Variants in KLRG2 observed in about 807,000 individuals in gnomAD.
KLRG2 encodes killer cell lectin like receptor G2.
In KLRG2, 39 loss-of-function variants were observed where a neutral mutation model predicts 35.4. The observed-to-expected ratio is 1.10, with a 90% CI of 0.85 to 1.44. KLRG2 has a LOEUF of 1.44. Among genes scored for constraint, KLRG2 ranks in the 40% most tolerant of loss-of-function variants. KLRG2 has a pLI of 0.00. For synonymous variants in KLRG2, 283 were observed against 265.8 expected, an observed-to-expected ratio of 1.06 and a Z score of -0.63; for missense variants, 632 against 570.9, an observed-to-expected ratio of 1.11 and a Z score of -1.09.
downstream of KLRG2, among the ~76,000 whole-genome samples, chr7:139,448,544 A>T (rs1796334685): frequency 6.6e-6 from 1 of 152,194 alleles, no homozygotes; most frequent in Admixed American, 6.5e-5. Context: ...GTAAAAGATA[A>T]ATAGGCTGGG....
At chr7:139,435,732 G>A in the KLRG2 span, among the ~76,000 whole-genome samples, 1 of 152,114 alleles carries the variant, frequency 6.6e-6, no homozygotes, top group Non-Finnish European at 1.5e-5. Context: ...CCCTTAACAC[G>A]ATGCTGCTGA....
intron 3 of KLRG2, among the ~76,000 whole-genome samples, chr7:139,455,321 A>AT (rs557794592): frequency 0.013 from 1,566 of 122,612 alleles, 18 homozygotes; most frequent in African/African-American, 0.022. Flanking sequence ...CCCGGCCAAG[A>AT]TTTTTTTTTT....
chr7:139,429,075 G>T, the KLRG2 span, among the ~76,000 whole-genome samples: 105 of 152,278 alleles, frequency 6.9e-4, no homozygotes, highest in East Asian at 0.019. Context: ...CCAGGCTGAG[G>T]TGAGTGGATC....
the KLRG2 span, among the ~76,000 whole-genome samples, chr7:139,431,335 G>A: frequency 1.3e-5 from 2 of 152,142 alleles, no homozygotes; most frequent in Admixed American, 6.5e-5. Context: ...TAGTTACATG[G>A]GTGCCTACAT....
chr7:139,446,854 A>G, the KLRG2 span, among the ~76,000 whole-genome samples: 2 of 152,086 alleles, frequency 1.3e-5, no homozygotes, highest in African/African-American at 4.8e-5. Flanking sequence ...ACTTGTGATT[A>G]CCTTGGGTAC....
At chr7:139,429,445 C>T in the KLRG2 span, among the ~76,000 whole-genome samples, 9 of 150,520 alleles carry the variant, frequency 6.0e-5, no homozygotes, top group African/African-American at 2.2e-4. Flanking sequence ...GGCAGAGTCA[C>T]AGGACAATAG....
chr7:139,429,568 G>A, the KLRG2 span, among the ~76,000 whole-genome samples: 4 of 151,312 alleles, frequency 2.6e-5, no homozygotes, highest in African/African-American at 9.8e-5. Context: ...AGGGAGTGGT[G>A]ATGACTCTTA....
chr7:139,479,498 G>T, intron 3 of KLRG2, 129 bp downstream of exon 3: 1 of 928,036 alleles, frequency 1.1e-6, no homozygotes, highest in Non-Finnish European at 1.6e-6. Context: ...TTATGGTCAT[G>T]CTACTCCTCT....
downstream of KLRG2, among the ~76,000 whole-genome samples, chr7:139,448,258 A>T (rs1796332246): frequency 6.6e-6 from 1 of 151,962 alleles, no homozygotes; most frequent in South Asian, 2.1e-4. Flanking sequence ...TGCCTCCTAA[A>T]GTCCTGTGAT....
chr7:139,462,325 C>T (rs1254884231), intron 3 of KLRG2, among the ~76,000 whole-genome samples: 1 of 152,054 alleles, frequency 6.6e-6, no homozygotes, highest in Non-Finnish European at 1.5e-5. Flanking sequence ...GGCAAGCACC[C>T]CTCACCCCTT....
chr7:139,436,801 C>T, the KLRG2 span, among the ~76,000 whole-genome samples: 1 of 152,206 alleles, frequency 6.6e-6, no homozygotes, highest in Non-Finnish European at 1.5e-5. Context: ...AAATTCCATG[C>T]GCTCTATATG....
At chr7:139,452,504 C>T (rs1371563652), downstream of KLRG2, among the ~76,000 whole-genome samples, 1 of 151,348 alleles carries the variant, frequency 6.6e-6, no homozygotes, top group African/African-American at 2.4e-5. Context: ...ACTCTCCATC[C>T]CATTCTCCCA....
chr7:139,450,157 C>T (rs1215488706), downstream of KLRG2, among the ~76,000 whole-genome samples: 2 of 152,014 alleles, frequency 1.3e-5, no homozygotes, highest in African/African-American at 4.8e-5. Flanking sequence ...ATTCTCCTGC[C>T]TCAGCCTCCC....
At chr7:139,443,094 CTTT>C in the KLRG2 span, among the ~76,000 whole-genome samples, 8 of 120,568 alleles carry the variant, frequency 6.6e-5, no homozygotes, top group Admixed American at 2.6e-4. Flanking sequence ...GGAAAAAAAA[CTTT>C]TTTTTTTTTT....
chr7:139,455,209 G>C (rs1362806035), intron 3 of KLRG2, among the ~76,000 whole-genome samples: 1 of 151,948 alleles, frequency 6.6e-6, no homozygotes, highest in Non-Finnish European at 1.5e-5. Flanking sequence ...AGTAGGGAAG[G>C]GTTTTGCCGT....
chr7:139,464,765 T>C (rs1040324087), intron 3 of KLRG2, among the ~76,000 whole-genome samples: 2 of 152,258 alleles, frequency 1.3e-5, no homozygotes, highest in South Asian at 2.1e-4. Flanking sequence ...AGCCTTCATG[T>C]CTGTGTGTGG....
At chr7:139,465,674 AGT>A (rs1796640404) in intron 3 of KLRG2, among the ~76,000 whole-genome samples, 2 of 140,284 alleles carry the variant, frequency 1.4e-5, no homozygotes, top group South Asian at 4.6e-4. Flanking sequence ...CCTGGGCGAG[AGT>A]GTGAGACTCT....
At chr7:139,446,561 G>C in the KLRG2 span, among the ~76,000 whole-genome samples, 1 of 150,618 alleles carries the variant, frequency 6.6e-6, no homozygotes, top group Non-Finnish European at 1.5e-5. Context: ...GGCTGGTCTC[G>C]AATTCCTGAC....
In KLRG2 at chr7:139,468,176, C is replaced by T. The variant is rs541766674; in HGVS notation, c.1005+11451G>A. Among the ~76,000 whole-genome samples, 85 of 152,234 alleles carry T rather than the reference C, an allele frequency of 5.6e-4. 1 individual carries two copies. The highest frequency in any genetic ancestry group is 7.5e-4 in the Non-Finnish European group (51 of 68,006). ...TATGACCCTGCCACATCCCCCTCTC[C>T]GAGAAACACCCAAGAATGATCAATA... On this transcript the variant is annotated intron_variant, in intron 3 of 4. Coordinates refer to ENST00000340940, the MANE Select transcript of KLRG2 (RefSeq NM_198508.4).
Sources: allele counts gnomAD v4.1 joint callset (sites outside exome capture counted in the v4.1 genomes callset), GRCh38; gene constraint gnomAD v4.1.1; transcripts MANE v1.5; gene names NCBI Gene and HGNC (gene_info 2026-07-23, HGNC 2026-07-21).